SASH1: variants seen among roughly 807,000 people sequenced by gnomAD.
SASH1 encodes the protein SAM and SH3 domain-containing protein 1.
In SASH1, 44 loss-of-function variants were observed where a neutral mutation model predicts 125.2. The ratio of observed to expected loss-of-function variants is 0.35; its 90% CI spans 0.28 to 0.45. The LOEUF (loss-of-function observed/expected upper bound fraction) is 0.45. Among genes scored for constraint, SASH1 ranks in the 20% least tolerant of loss-of-function variants. The pLI, the probability that SASH1 is intolerant of heterozygous loss-of-function variation, is 1.00. For synonymous variants in SASH1, 639 were observed against 649.1 expected (o/e 0.98, Z 0.24); for missense variants, 1,426 against 1,614.5 (o/e 0.88, Z 2.00).
At chr6:148,421,209 GAA>G (rs1173164590) in intron 2 of SASH1, among the ~76,000 whole-genome samples, 15 of 137,100 alleles carry the variant, frequency 1.1e-4, no homozygotes, top group East Asian at 6.7e-4. Context: ...AAGAAAGAAA[GAA>G]AGAAAAAGAA....
At chr6:148,322,010 C>T (rs1336113769) in intron 1 of SASH1, among the ~76,000 whole-genome samples, 1 of 152,156 alleles carries the variant, frequency 6.6e-6, no homozygotes, top group Non-Finnish European at 1.5e-5. Flanking sequence ...AATATTACCA[C>T]ATTCATCTCC....
chr6:148,259,266 C>T, the SASH1 span, among the ~76,000 whole-genome samples: 1 of 152,170 alleles, frequency 6.6e-6, no homozygotes, highest in Non-Finnish European at 1.5e-5. Context: ...TCAAGGCATT[C>T]AGTGTGTCTA....
At chr6:148,354,122 A>T (rs1344894791) in intron 1 of SASH1, among the ~76,000 whole-genome samples, 1 of 152,148 alleles carries the variant, frequency 6.6e-6, no homozygotes. Flanking sequence ...TTGTGATGGC[A>T]CCATTGCACT....
chr6:148,527,295 C>CAAAG (rs2115384753), intron 11 of SASH1, 158 bp from the exon 12 acceptor site: 1 of 587,272 alleles, frequency 1.7e-6, no homozygotes, highest in Non-Finnish European at 2.7e-6. Flanking sequence ...AATTTTTAAT[C>CAAAG]AAAGAGATAA....
intron 2 of SASH1, among the ~76,000 whole-genome samples, chr6:148,397,546 A>G (rs1784010117): frequency 6.6e-6 from 1 of 152,208 alleles, no homozygotes; most frequent in Non-Finnish European, 1.5e-5. Context: ...TGTCAGTTGT[A>G]TAACTTCATC....
intron 2 of SASH1, among the ~76,000 whole-genome samples, chr6:148,416,989 A>G (rs1784846340): frequency 6.6e-6 from 1 of 152,196 alleles, no homozygotes; most frequent in African/African-American, 2.4e-5. Flanking sequence ...ATAATGGGGT[A>G]GAGGTAGCCC....
At chr6:148,366,067 G>A (rs1782440625) in intron 1 of SASH1, among the ~76,000 whole-genome samples, 1 of 151,822 alleles carries the variant, frequency 6.6e-6, no homozygotes, top group Non-Finnish European at 1.5e-5. Flanking sequence ...GAGCCGAGGT[G>A]GCACCACTGC....
At chr6:148,293,340 G>A (rs1161526018) in intron 1 of SASH1, among the ~76,000 whole-genome samples, 1 of 152,206 alleles carries the variant, frequency 6.6e-6, no homozygotes, top group African/African-American at 2.4e-5. Context: ...AGCAGCCAGT[G>A]AGACATCTCC....
chr6:148,519,486 G>C lies in SASH1; in HGVS notation c.863-61G>C. 1 of 1,267,774 alleles carries C rather than the reference G, an allele frequency of 7.9e-7. No homozygotes were observed. The highest frequency in any genetic ancestry group is 1.1e-6 in the Non-Finnish European group (1 of 888,294). The allele number at this position is 1,267,774 out of a possible 1,614,324, so 78.5% of individuals were successfully genotyped here. ...TACGGAGAAAGGTGGTGAATGTAAA[G>C]AAAGATGTATGCAAGAATGCAAAGG... On this transcript the variant is annotated intron_variant, in intron 9 of 19. Coordinates refer to ENST00000367467, the MANE Select transcript of SASH1 (RefSeq NM_015278.5). This position sits in a 1 kb window ranked among gnomAD's most constrained non-coding sequence, Gnocchi z 4.8.
chr6:148,368,770 G>GCACA (rs377455429), intron 1 of SASH1, among the ~76,000 whole-genome samples: 15,519 of 135,804 alleles, frequency 0.11, 1,002 homozygotes, highest in East Asian at 0.27. Context: ...GCACGCGCGC[G>GCACA]CACACACACA....
intron 7 of SASH1, among the ~76,000 whole-genome samples, chr6:148,482,286 G>C (rs886589562): frequency 2.0e-5 from 3 of 151,846 alleles, no homozygotes; most frequent in East Asian, 1.9e-4. Flanking sequence ...ATGAAATTGA[G>C]AGAGATCTAT....
the SASH1 span, among the ~76,000 whole-genome samples, chr6:148,206,713 C>G: frequency 6.6e-6 from 1 of 151,054 alleles, no homozygotes; most frequent in Non-Finnish European, 1.5e-5. Context: ...TCGCTTAAAC[C>G]TGGGAGGTGG....
At chr6:148,223,588 C>G in the SASH1 span, among the ~76,000 whole-genome samples, 5 of 152,140 alleles carry the variant, frequency 3.3e-5, no homozygotes, top group African/African-American at 1.2e-4. Context: ...GTAACCCACC[C>G]ATTTTAAATG....
chr6:148,425,208 C>CA (rs1775763442), intron 2 of SASH1, among the ~76,000 whole-genome samples: 1 of 152,162 alleles, frequency 6.6e-6, no homozygotes, highest in Non-Finnish European at 1.5e-5. Flanking sequence ...TCAGGATGAA[C>CA]ACTGCATGCA....
chr6:148,466,516 A>T (rs1347992036), intron 4 of SASH1, among the ~76,000 whole-genome samples: 1 of 152,156 alleles, frequency 6.6e-6, no homozygotes, highest in African/African-American at 2.4e-5. Flanking sequence ...AGGTCCTTTT[A>T]TCCAAAAGGT....
chr6:148,286,307 A>T (rs1170370126), intron 1 of SASH1, among the ~76,000 whole-genome samples: 1 of 152,056 alleles, frequency 6.6e-6, no homozygotes, highest in Non-Finnish European at 1.5e-5. Flanking sequence ...AGGCAGAGGC[A>T]GGAGAATCAC....
intron 1 of SASH1, among the ~76,000 whole-genome samples, chr6:148,334,251 T>C (rs1283442063): frequency 5.1e-4 from 70 of 138,072 alleles, no homozygotes; most frequent in Non-Finnish European, 8.8e-4. Flanking sequence ...GGTGAAACCC[T>C]GTCTCTACTA....
intron 4 of SASH1, among the ~76,000 whole-genome samples, chr6:148,465,424 T>A (rs1777786350): frequency 6.6e-6 from 1 of 151,956 alleles, no homozygotes; most frequent in Admixed American, 6.6e-5. Context: ...TAGTGTCATA[T>A]GCCTGTAGTC....
At chr6:148,483,812 T>G (rs988625653) in intron 7 of SASH1, among the ~76,000 whole-genome samples, 2 of 152,204 alleles carry the variant, frequency 1.3e-5, no homozygotes, top group Admixed American at 1.3e-4. Flanking sequence ...AGCACAAGAT[T>G]ATGAACCAGG....
Sources: gnomAD v4.1 joint callset for allele counts (sites outside exome capture counted in the v4.1 genomes callset) on GRCh38, gnomAD v4.1.1 for gene constraint, Gnocchi (gnomAD v3.1) non-coding constraint, MANE v1.5 for transcripts, NCBI Gene and HGNC (gene_info 2026-07-23, HGNC 2026-07-21) for gene names.